The following CDH13 variants were observed in gnomAD, a reference collection of about 807,000 sequenced individuals.
The protein encoded by CDH13 is cadherin 13.
In CDH13, 24 loss-of-function variants were observed where a neutral mutation model predicts 63.8. The observed-to-expected ratio is 0.38, with a 90% CI of 0.27 to 0.53. CDH13 has a LOEUF of 0.53. CDH13 is among the 20% of genes least tolerant of loss of function. The probability of loss-of-function intolerance (pLI) is 0.85; values close to 1 mark genes in which losing one functional copy is unlikely to be tolerated. For missense variants in CDH13, 1,049 were observed against 903.1 expected (o/e 1.16, Z -2.07); for synonymous variants, 503 against 355.3 (o/e 1.42, Z -4.67).
chr16:83,346,411 A>C (rs2090840136), intron 6 of CDH13, among the ~76,000 whole-genome samples: 1 of 152,220 alleles, frequency 6.6e-6, no homozygotes, highest in Non-Finnish European at 1.5e-5. Flanking sequence ...CATTTGGAGA[A>C]CCAATGAGGA....
At chr16:83,473,590 T>C (rs75223515) in intron 6 of CDH13, among the ~76,000 whole-genome samples, 3,822 of 152,254 alleles carry the variant, frequency 0.025, 163 homozygotes, top group African/African-American at 0.086. Flanking sequence ...ATAGGTCCTA[T>C]ATGTCCCTCG....
chr16:83,388,315 A>C (rs1451890476), intron 6 of CDH13, among the ~76,000 whole-genome samples: 2 of 150,750 alleles, frequency 1.3e-5, no homozygotes, highest in East Asian at 2.0e-4. Context: ...TTAGCCAGGC[A>C]TGGTGGTAAT....
chr16:83,677,669 A>C (rs1444418654), intron 9 of CDH13, among the ~76,000 whole-genome samples: 1 of 152,342 alleles, frequency 6.6e-6, no homozygotes, highest in East Asian at 1.9e-4. Flanking sequence ...CATTAAATAT[A>C]AAACTTTGGT....
chr16:82,809,009 A>G (rs1293213839), intron 1 of CDH13, among the ~76,000 whole-genome samples: 2 of 152,174 alleles, frequency 1.3e-5, no homozygotes, highest in Non-Finnish European at 2.9e-5. Flanking sequence ...GGGTATATAT[A>G]CACGTTATAT....
chr16:83,626,840 C>G (rs7200503), intron 8 of CDH13, among the ~76,000 whole-genome samples: 15,391 of 152,160 alleles, frequency 0.1, 813 homozygotes, highest in Admixed American at 0.11. Flanking sequence ...TACCCGCTCT[C>G]CCTAGGACGC....
intron 6 of CDH13, among the ~76,000 whole-genome samples, chr16:83,409,633 C>T (rs1325547498): frequency 1.3e-5 from 2 of 152,310 alleles, no homozygotes; most frequent in South Asian, 2.1e-4. Flanking sequence ...GACTGAATTA[C>T]CAACATGCAT....
intron 4 of CDH13, among the ~76,000 whole-genome samples, chr16:83,211,763 C>G (rs886208291): frequency 1.1e-4 from 16 of 152,076 alleles, no homozygotes; most frequent in South Asian, 1.0e-3. Flanking sequence ...CACCTCCCCC[C>G]CCCAAACAGC....
At chr16:83,172,820 T>G (rs77157384) in intron 4 of CDH13, among the ~76,000 whole-genome samples, 9,508 of 152,134 alleles carry the variant, frequency 0.062, 526 homozygotes, top group African/African-American at 0.14. Context: ...GCTAAATAGC[T>G]TCCTTCTGAA....
Position 83,696,431 on chromosome 16 carries a change from A to G in CDH13, c.1538+17970A>G, listed in dbSNP as rs189586073. ...TGAAATCTGTAAAGGTGGGAGGACC[A>G]GGGAATCCAATAGAGTGAGCACATG... is the stretch of plus-strand genomic sequence containing the variant. On this transcript the variant is annotated intron_variant, in intron 10 of 13. Coordinates refer to ENST00000567109, the MANE Select transcript of CDH13 (RefSeq NM_001257.5). 3.9e-5 allele frequency among the ~76,000 whole-genome samples: 6 copies of G among 152,232 alleles called. No individual in the cohort carries two copies. In the East Asian group the frequency reaches 1.2e-3, roughly 29 times the overall value.
rs114534152 is a variant in CDH13, at chr16:83,532,048, G to T, written c.960+45393G>T. Among the ~76,000 whole-genome samples the T allele has an allele frequency of 9.7e-3, 1,469 of 152,210 alleles. 24 individuals carry two copies. The highest frequency in any genetic ancestry group is 0.033 in the African/African-American group (1,377 of 41,500). ...CCTGTGCTATGCTTGTGATAGTGAG[G>T]AAGTCTCATGAGATCTGATGGTTTT... On this transcript the variant is annotated intron_variant, in intron 7 of 13. Coordinates refer to ENST00000567109, the MANE Select transcript of CDH13 (RefSeq NM_001257.5).
intron 6 of CDH13, among the ~76,000 whole-genome samples, chr16:83,437,740 T>A (rs889408163): frequency 1.3e-5 from 2 of 151,960 alleles, no homozygotes; most frequent in African/African-American, 4.8e-5. Flanking sequence ...AGAAAAAAAA[T>A]AACATTCTTG....
At chr16:83,352,088 A>G (rs1466610800) in intron 6 of CDH13, among the ~76,000 whole-genome samples, 1 of 152,204 alleles carries the variant, frequency 6.6e-6, no homozygotes, top group Non-Finnish European at 1.5e-5. Context: ...AGTGCTGCCC[A>G]GGGATGGCAT....
At chr16:83,374,682 C>T (rs985809081) in intron 6 of CDH13, among the ~76,000 whole-genome samples, 2 of 152,186 alleles carry the variant, frequency 1.3e-5, no homozygotes, top group African/African-American at 4.8e-5. Flanking sequence ...TGTGTTCCTC[C>T]ATTAGCATTT....
chr16:82,898,580 C>G (rs117675632), intron 2 of CDH13, among the ~76,000 whole-genome samples: 392 of 152,252 alleles, frequency 2.6e-3, no homozygotes, highest in Non-Finnish European at 3.7e-3. Context: ...GCACTGGTCT[C>G]ATGGATGATA....
At chr16:82,874,472 G>A (rs2040439916) in intron 2 of CDH13, among the ~76,000 whole-genome samples, 3 of 151,648 alleles carry the variant, frequency 2.0e-5, no homozygotes, top group East Asian at 3.9e-4. Flanking sequence ...GCCAAGTGCT[G>A]CACCAGCTTT....
chr16:83,153,116 G>A (rs1597428568), intron 4 of CDH13, among the ~76,000 whole-genome samples: 1 of 152,288 alleles, frequency 6.6e-6, no homozygotes, highest in Non-Finnish European at 1.5e-5. Context: ...GTGGGAGACT[G>A]GAGTTTTATT....
chr16:82,876,540 C>T (rs1303788333), intron 2 of CDH13, among the ~76,000 whole-genome samples: 2 of 152,098 alleles, frequency 1.3e-5, no homozygotes, highest in Non-Finnish European at 2.9e-5. Context: ...ATAGATGGAA[C>T]AGGTATAACA....
intron 7 of CDH13, among the ~76,000 whole-genome samples, chr16:83,505,909 C>T (rs558517365): frequency 1.6e-4 from 24 of 152,314 alleles, no homozygotes; most frequent in African/African-American, 3.4e-4. Context: ...AACGCATCAG[C>T]ATGTTCCTTC....
At chr16:83,667,938 C>T (rs568617986) in intron 8 of CDH13, among the ~76,000 whole-genome samples, 3 of 152,254 alleles carry the variant, frequency 2.0e-5, no homozygotes, top group African/African-American at 7.2e-5. Context: ...GCTAGGATTA[C>T]AGTGTTAGAA....
Sources: allele counts gnomAD v4.1 joint callset (sites outside exome capture counted in the v4.1 genomes callset), GRCh38; gene constraint gnomAD v4.1.1; transcripts MANE v1.5; gene names NCBI Gene and HGNC (gene_info 2026-07-23, HGNC 2026-07-21).